The following PTPRB variants were observed in gnomAD, a reference collection of about 807,000 sequenced individuals.
PTPRB encodes receptor-type tyrosine-protein phosphatase beta.
PTPRB carries 97 observed loss-of-function variants against 238.1 expected under a neutral mutation model. The ratio of observed to expected loss-of-function variants is 0.41; its 90% confidence interval spans 0.35 to 0.48. PTPRB has a LOEUF of 0.48. Ranked by LOEUF, PTPRB falls within the 20% of genes least tolerant of loss-of-function variation. The pLI is 0.30. For missense variants in PTPRB, 2,292 were observed against 2,681.9 expected (o/e 0.85, Z 3.21); for synonymous variants, 970 against 995.4 (o/e 0.97, Z 0.48).
intron 2 of PTPRB, among the ~76,000 whole-genome samples, chr12:70,625,034 T>C (rs1249403626): frequency 6.6e-6 from 1 of 152,190 alleles, no homozygotes; most frequent in Non-Finnish European, 1.5e-5. Context: ...CTTATGTCAT[T>C]ATCTTTAATT....
At chr12:70,607,663 A>G (rs1231405769) in intron 4 of PTPRB, among the ~76,000 whole-genome samples, 2 of 151,416 alleles carry the variant, frequency 1.3e-5, no homozygotes, top group Non-Finnish European at 2.9e-5. Flanking sequence ...CAGCCTCCCA[A>G]GTAGCTGGGA....
chr12:70,522,856 G>GTTT (rs1871806281), intron 33 of PTPRB, among the ~76,000 whole-genome samples: 3 of 111,480 alleles, frequency 2.7e-5, no homozygotes, highest in African/African-American at 1.1e-4. Context: ...TCTTTTGTTT[G>GTTT]TTTTTTCTTT....
intron 19 of PTPRB, 114 bp from the exon 20 acceptor site, chr12:70,555,423 T>A: frequency 2.0e-6 from 2 of 992,616 alleles, no homozygotes; most frequent in Non-Finnish European, 1.5e-6. Flanking sequence ...TGTGTGTGTG[T>A]GAGCGTGTGC....
intron 27 of PTPRB, chr12:70,538,468 A>C: frequency 2.1e-6 from 1 of 486,596 alleles, no homozygotes; most frequent in East Asian, 3.3e-5. Flanking sequence ...CCTTTCTGAC[A>C]TTACCACATT....
At chr12:70,593,709 T>C (rs1882724900) in intron 6 of PTPRB, among the ~76,000 whole-genome samples, 2 of 152,128 alleles carry the variant, frequency 1.3e-5, no homozygotes, top group South Asian at 4.1e-4. Flanking sequence ...CTCAAATATC[T>C]TTCCCACCAG....
chr12:70,569,547 A>G, intron 14 of PTPRB, 128 bp downstream of exon 14: 1 of 1,105,508 alleles, frequency 9.0e-7, no homozygotes, highest in Non-Finnish European at 1.3e-6. Context: ...GGCTCTTGAA[A>G]CCATTGAATT....
At position 70,626,563 on chromosome 12, in the gene PTPRB, C is replaced by T. The variant is rs144756643; in HGVS notation, c.452-3917G>A. Among the ~76,000 whole-genome samples, 503 of 151,964 alleles carry T rather than the reference C, an allele frequency of 3.3e-3. 3 individuals carry two copies. The highest frequency in any genetic ancestry group is 0.012 in the African/African-American group (485 of 41,430). ...CAGACATTTTTTCCTTGTCATTATT[C>T]GCTAAGCAATACAACAACTATTTAT... On this transcript the variant is annotated intron_variant, in intron 2 of 33. Transcript: ENST00000334414.
chr12:70,630,241 C>T (rs1040584189), intron 2 of PTPRB, among the ~76,000 whole-genome samples: 7 of 152,182 alleles, frequency 4.6e-5, no homozygotes, highest in Non-Finnish European at 1.0e-4. Context: ...AGCTTCATCC[C>T]TGGGATGCAA....
intron 3 of PTPRB, among the ~76,000 whole-genome samples, chr12:70,617,812 G>C (rs890998016): frequency 7.1e-6 from 1 of 140,172 alleles, no homozygotes; most frequent in Non-Finnish European, 1.6e-5. Context: ...GGCTATTCAT[G>C]AACTGAGGAA....
Position 70,556,003 on chromosome 12 carries a change from C to T in PTPRB, c.4860G>A (p.Lys1620=), listed in dbSNP as rs1877614416. The change falls in exon 19 of 34, where the codon AAG becomes AAA. Residue 1620 remains lysine, a synonymous_variant. Coordinates refer to ENST00000334414, the MANE Select transcript of PTPRB (RefSeq NM_001109754.4). ...MDTQEVEFSR[K]LEKEKSLLNI... ...TGAGCAGAGATTTTTCTTTCTCCAG[C>T]TTTCTGGAAAACTCAACTTCTTGGG... 2 of 1,613,840 alleles carry T rather than the reference C, an allele frequency of 1.2e-6. No individual in the cohort carries two copies. Among genetic ancestry groups the T allele is most frequent in the African/African-American group, 2.7e-5 (2 of 74,908 alleles).
chr12:70,613,100 G>C (rs1884532028), intron 3 of PTPRB, among the ~76,000 whole-genome samples: 1 of 152,170 alleles, frequency 6.6e-6, no homozygotes, highest in East Asian at 1.9e-4. Flanking sequence ...GCCACTGTTT[G>C]AGAACCGTTA....
intron 16 of PTPRB, among the ~76,000 whole-genome samples, chr12:70,562,469 G>A (rs1384090939): frequency 1.3e-5 from 2 of 152,150 alleles, no homozygotes; most frequent in African/African-American, 4.8e-5. Flanking sequence ...ATTTGTGGTT[G>A]CCCTTCTCTG....
chr12:70,609,901 CG>C, intron 3 of PTPRB: 1 of 1,255,606 alleles, frequency 8.0e-7, no homozygotes, highest in Non-Finnish European at 1.1e-6. Flanking sequence ...ACCTGTTGCG[CG>C]CGCTCAGCGC....
At chr12:70,550,229 C>T (rs1381385661) in intron 21 of PTPRB, among the ~76,000 whole-genome samples, 2 of 152,120 alleles carry the variant, frequency 1.3e-5, no homozygotes, top group South Asian at 2.1e-4. Context: ...ACAGAGAATT[C>T]GCCAGCCAGA....
intron 11 of PTPRB, among the ~76,000 whole-genome samples, chr12:70,572,390 G>C (rs1232465744): frequency 6.6e-6 from 1 of 152,018 alleles, no homozygotes; most frequent in East Asian, 1.9e-4. Flanking sequence ...ATGAGTGATG[G>C]TAAACGATAT....
At chr12:70,568,676 AG>A (rs1428123771) in intron 14 of PTPRB, among the ~76,000 whole-genome samples, 3 of 152,220 alleles carry the variant, frequency 2.0e-5, no homozygotes, top group Admixed American at 6.5e-5. Flanking sequence ...TATGAAATAG[AG>A]GCATAGTAGG....
intron 2 of PTPRB, among the ~76,000 whole-genome samples, chr12:70,624,100 G>T (rs1248092802): frequency 6.6e-6 from 1 of 152,084 alleles, no homozygotes; most frequent in Non-Finnish European, 1.5e-5. Flanking sequence ...ACATAAGGTC[G>T]ATGGATTTAG....
In PTPRB at chr12:70,622,451, C is replaced by G; in HGVS notation, c.647G>C (p.Gly216Ala). 1 of 1,613,212 alleles carries G rather than the reference C, an allele frequency of 6.2e-7. No individual in the cohort carries two copies. The highest frequency in any genetic ancestry group is 8.5e-7 in the Non-Finnish European group (1 of 1,179,650). ...CAAAACCCATGATGTGTCTGTAATT[C>G]CAGTCATGTGCAGATTGGGATGCTG... ...ERQHPNLHMT[G>A]ITDTSWVLST... Residue 216 changes from glycine to alanine, a missense_variant, in exon 3 of 34, where the codon GGA becomes GCA. By Grantham distance (60) the Gly-to-Ala change is moderately conservative. Coordinates refer to ENST00000334414, the MANE Select transcript of PTPRB (RefSeq NM_001109754.4).
At chr12:70,601,783 CTTTTTTCTTTTTTTT>C (rs894162982) in intron 4 of PTPRB, among the ~76,000 whole-genome samples, 9 of 140,216 alleles carry the variant, frequency 6.4e-5, no homozygotes, top group South Asian at 2.3e-4. Flanking sequence ...TTCTTTTTTT[CTTTTTTCTTTTTTTT>C]TTTTTTTTTT....
Sources: gnomAD v4.1 joint callset for allele counts (sites outside exome capture counted in the v4.1 genomes callset) on GRCh38, gnomAD v4.1.1 for gene constraint, MANE v1.5 for transcripts, NCBI Gene and HGNC (gene_info 2026-07-23, HGNC 2026-07-21) for gene names.